TNNI3K: variants seen among roughly 807,000 people sequenced by gnomAD.
TNNI3K encodes serine/threonine-protein kinase TNNI3K.
In TNNI3K, 140 loss-of-function variants were observed where a neutral mutation model predicts 114.5. The ratio of observed to expected loss-of-function variants is 1.22; its 90% CI spans 1.07 to 1.41. The LOEUF (loss-of-function observed/expected upper bound fraction) is 1.41, where lower values mean the gene tolerates loss of function less well. Among genes scored for constraint, TNNI3K ranks in the 40% most tolerant of loss-of-function variants. The pLI, the probability that TNNI3K is intolerant of heterozygous loss-of-function variation, is 0.00. For missense variants in TNNI3K, 1,125 were observed against 1,007.6 expected (o/e 1.12, Z -1.58); for synonymous variants, 347 against 347.5 (o/e 1.00, Z 0.02).
rs1053989829 is a variant in TNNI3K at position 74,447,126 on chromosome 1, T to A, written c.2011+7504T>A. ...AATGGCATTGAATCTGTAAATTACTTTGGGCAGTATGGCCATTTTCACGAT... is the reference window on the plus strand; with the variant it reads ...AATGGCATTGAATCTGTAAATTACTATGGGCAGTATGGCCATTTTCACGAT... On this transcript the variant is annotated intron_variant, in intron 20 of 24. Coordinates refer to ENST00000326637, the MANE Select transcript of TNNI3K (RefSeq NM_015978.3). 8.9e-4 allele frequency among the ~76,000 whole-genome samples: 135 copies of A among 151,672 alleles called. 1 individual carries two copies. The highest frequency in any genetic ancestry group is 3.2e-3 in the African/African-American group (130 of 41,222).
intron 19 of TNNI3K, among the ~76,000 whole-genome samples, chr1:74,436,832 T>C (rs952011542): frequency 6.6e-6 from 1 of 152,040 alleles, no homozygotes; most frequent in African/African-American, 2.4e-5. Flanking sequence ...CCTAACTACT[T>C]ATAGTAAAGT....
chr1:74,539,750 T>C (rs1409246097), intron 23 of TNNI3K, among the ~76,000 whole-genome samples: 2 of 151,994 alleles, frequency 1.3e-5, no homozygotes, highest in African/African-American at 2.4e-5. Flanking sequence ...TATTATATTA[T>C]ATGTAAAGCG....
intron 6 of TNNI3K, among the ~76,000 whole-genome samples, chr1:74,333,929 C>T (rs1570477759): frequency 1.3e-5 from 2 of 152,296 alleles, no homozygotes; most frequent in South Asian, 4.1e-4. Flanking sequence ...GTTCTTGAAA[C>T]TAAACTTCTG....
chr1:74,512,731 T>A (rs1670291571), intron 23 of TNNI3K: 1 of 152,198 alleles, frequency 6.6e-6, no homozygotes, highest in African/African-American at 2.4e-5. Flanking sequence ...TCATCAGAAG[T>A]CCACTGAGTG....
At chr1:74,359,226 A>G (rs982212636) in intron 11 of TNNI3K, among the ~76,000 whole-genome samples, 3 of 152,008 alleles carry the variant, frequency 2.0e-5, no homozygotes, top group East Asian at 3.9e-4. Flanking sequence ...GAGGATATTA[A>G]TAACCACTTT....
chr1:74,448,463 C>G (rs1666813190), intron 20 of TNNI3K, among the ~76,000 whole-genome samples: 1 of 145,228 alleles, frequency 6.9e-6, no homozygotes, highest in South Asian at 2.1e-4. Flanking sequence ...TTTCCTTCTC[C>G]TGCCTAATTG....
intron 21 of TNNI3K, among the ~76,000 whole-genome samples, chr1:74,474,816 A>T (rs1668110276): frequency 6.6e-6 from 1 of 152,002 alleles, no homozygotes; most frequent in Non-Finnish European, 1.5e-5. Context: ...CTCAGCAAGC[A>T]AAGTACGTTT....
At chr1:74,467,604 T>G (rs943545250) in intron 21 of TNNI3K, among the ~76,000 whole-genome samples, 8 of 152,016 alleles carry the variant, frequency 5.3e-5, no homozygotes, top group African/African-American at 1.9e-4. Context: ...AGTGAAAAGA[T>G]AAAAGTAATT....
chr1:74,287,980 G>GA (rs35118129), intron 5 of TNNI3K, among the ~76,000 whole-genome samples: 2 of 151,916 alleles, frequency 1.3e-5, no homozygotes, highest in Admixed American at 6.5e-5. Context: ...AGAAGTATAT[G>GA]AAAAAAATGC....
intron 4 of TNNI3K, among the ~76,000 whole-genome samples, chr1:74,264,918 T>C (rs933104558): frequency 1.3e-5 from 2 of 152,072 alleles, no homozygotes; most frequent in African/African-American, 4.8e-5. Flanking sequence ...ATTTGATCTT[T>C]ATTACAATCT....
intron 2 of TNNI3K, among the ~76,000 whole-genome samples, chr1:74,238,715 T>G (rs1038360462): frequency 6.6e-6 from 1 of 152,076 alleles, no homozygotes; most frequent in African/African-American, 2.4e-5. Context: ...CTGAGGATAA[T>G]GGTGAGACAT....
At chr1:74,380,280 C>A (rs781470068) in intron 17 of TNNI3K, among the ~76,000 whole-genome samples, 2 of 152,140 alleles carry the variant, frequency 1.3e-5, no homozygotes, top group African/African-American at 2.4e-5. Context: ...AGAAATCCTG[C>A]GATACCAACA....
At chr1:74,304,050 T>C in intron 5 of TNNI3K, among the ~76,000 whole-genome samples, 1 of 152,184 alleles carries the variant, frequency 6.6e-6, no homozygotes. Context: ...AGAAAGTGGT[T>C]TCCTAAGATA....
chr1:74,370,082 C>G (rs1018469877), intron 16 of TNNI3K, among the ~76,000 whole-genome samples: 3 of 151,710 alleles, frequency 2.0e-5, no homozygotes, highest in Non-Finnish European at 4.4e-5. Flanking sequence ...ATATCTTAAA[C>G]AAGAGATGCT....
rs1443342188 is a variant in TNNI3K, at chr1:74,411,151, A to G, written c.1773-24929A>G. The stretch of plus-strand genomic sequence containing the variant: ...TTTTATCAGCTCCCAGGCTTTTATG[A>G]TGTCTATATACTGTAGATTTTTATA... On this transcript the variant is annotated intron_variant, in intron 17 of 24. Coordinates refer to ENST00000326637, the MANE Select transcript of TNNI3K (RefSeq NM_015978.3). 2.0e-5 allele frequency among the ~76,000 whole-genome samples: 3 copies of G among 152,230 alleles called. No homozygotes were observed. In the South Asian group the frequency reaches 6.2e-4, roughly 32 times the overall value.
At chr1:74,273,840 TC>T in intron 5 of TNNI3K, among the ~76,000 whole-genome samples, 1 of 152,038 alleles carries the variant, frequency 6.6e-6, no homozygotes, top group East Asian at 1.9e-4. Flanking sequence ...TAGCCTTTAT[TC>T]TCTTCTTATA....
intron 20 of TNNI3K, among the ~76,000 whole-genome samples, chr1:74,448,260 TAAAAA>T (rs71588834): frequency 4.5e-3 from 398 of 88,800 alleles, no homozygotes; most frequent in African/African-American, 0.015. Context: ...TAGAGTATAA[TAAAAA>T]AAAAAAAAAA....
At chr1:74,248,131 C>T (rs1485736892) in intron 2 of TNNI3K, among the ~76,000 whole-genome samples, 10 of 152,170 alleles carry the variant, frequency 6.6e-5, no homozygotes, top group Admixed American at 6.5e-4. Flanking sequence ...CCGGTGCACC[C>T]TCTGCAGCTT....
intron 24 of TNNI3K, 50 bp downstream of exon 24, chr1:74,540,363 G>A (rs1218240097): frequency 6.4e-7 from 1 of 1,565,128 alleles, no homozygotes; most frequent in African/African-American, 1.4e-5. Context: ...CCCTAGGAAG[G>A]TGATGTCTAT....
Sources: allele counts gnomAD v4.1 joint callset (sites outside exome capture counted in the v4.1 genomes callset), GRCh38; gene constraint gnomAD v4.1.1; transcripts MANE v1.5; gene names NCBI Gene and HGNC (gene_info 2026-07-23, HGNC 2026-07-21).